Variants in SLC38A1 observed in about 807,000 individuals in gnomAD.
SLC38A1 encodes the protein solute carrier family 38 member 1.
A neutral mutation model predicts 60.3 loss-of-function variants in SLC38A1; 18 were observed. That is an observed-to-expected ratio of 0.30 (90% confidence interval 0.21 to 0.44). The LOEUF is 0.44. SLC38A1 is among the 20% of genes least tolerant of loss of function. The probability of loss-of-function intolerance (pLI) is 1.00; values close to 1 mark genes in which losing one functional copy is unlikely to be tolerated. For missense variants in SLC38A1, 448 were observed against 587.2 expected, an observed-to-expected ratio of 0.76 and a Z score of 2.45; for synonymous variants, 196 against 212.1, an observed-to-expected ratio of 0.92 and a Z score of 0.66.
intron 15 of SLC38A1, 28 bp downstream of exon 15, chr12:46,197,891 T>A: frequency 6.2e-7 from 1 of 1,610,510 alleles, no homozygotes; most frequent in Non-Finnish European, 8.5e-7. Flanking sequence ...TACTGTAGAA[T>A]GACAAGCACA....
chr12:46,236,317 A>G (rs1040204777), intron 3 of SLC38A1, among the ~76,000 whole-genome samples: 7 of 152,202 alleles, frequency 4.6e-5, no homozygotes, highest in African/African-American at 1.7e-4. Flanking sequence ...TAGCGTTCCA[A>G]TAATGGAACA....
intron 9 of SLC38A1, among the ~76,000 whole-genome samples, chr12:46,205,056 G>C (rs1354543161): frequency 6.6e-6 from 1 of 152,194 alleles, no homozygotes; most frequent in Admixed American, 6.5e-5. Flanking sequence ...CCAGATGACA[G>C]AGAGTAGATG....
intron 3 of SLC38A1, among the ~76,000 whole-genome samples, chr12:46,235,084 T>C (rs1189067867): frequency 2.6e-5 from 4 of 152,190 alleles, no homozygotes; most frequent in Non-Finnish European, 4.4e-5. Flanking sequence ...CAATGGGTGA[T>C]TGGGTGACCC....
chr12:46,210,454 A>T (rs1313895093), intron 5 of SLC38A1, among the ~76,000 whole-genome samples: 1 of 152,182 alleles, frequency 6.6e-6, no homozygotes, highest in Non-Finnish European at 1.5e-5. Context: ...AATAAACAGG[A>T]ATTTAGGTTA....
Position 46,206,091 on chromosome 12 carries a change from A to C in SLC38A1, c.635T>G (p.Leu212Trp). 1 of 1,609,098 alleles carries C rather than the reference A, an allele frequency of 6.2e-7. No individual in the cohort carries two copies. Among genetic ancestry groups the C allele is most frequent in the Non-Finnish European group, 8.5e-7 (1 of 1,176,440 alleles). Residue 212 changes from leucine (L) to tryptophan (W), a missense_variant, in exon 9 of 17, where the codon TTG (leucine) becomes TGG (tryptophan). Physicochemically the swap from Leu to Trp is moderately conservative, Grantham distance 61. Transcript: ENST00000398637. ...AAATCTGTCCTTACCTAAGTTCTTC[A>C]AGAGACACAGAGGGAGAATTATGCC... The part of the protein sequence containing the change: ...TFGIILPLCL[L>W]KNLGYLGYTS...
chr12:46,261,376 A>G (rs1942191898), intron 1 of SLC38A1, among the ~76,000 whole-genome samples: 1 of 152,194 alleles, frequency 6.6e-6, no homozygotes, highest in Non-Finnish European at 1.5e-5. Context: ...GGGGGCTCAT[A>G]TTTCAGTAAT....
At position 46,183,220 on chromosome 12, in the gene SLC38A1, C is replaced by T. The variant is rs1036670856; in HGVS notation, c.*5750G>A. Reference sequence around the variant, plus strand: ...TAGCAAAGTTTTGTGACTTGTGACTCACTTAAATCACCCATCTGAAATTCA... The same window carrying T: ...TAGCAAAGTTTTGTGACTTGTGACTTACTTAAATCACCCATCTGAAATTCA... On this transcript the variant is annotated 3_prime_UTR_variant, in exon 17 of 17. Coordinates refer to ENST00000398637, the MANE Select transcript of SLC38A1 (RefSeq NM_030674.4). 6 of 151,798 alleles carry T rather than the reference C, an allele frequency of 4.0e-5. No individual in the cohort carries two copies. The highest frequency in any genetic ancestry group is 8.8e-5 in the Non-Finnish European group (6 of 67,946). The allele number at this position is 151,798 out of a possible 1,614,324, so 9.4% of individuals were successfully genotyped here.
chr12:46,233,159 C>T (rs980341138), intron 3 of SLC38A1, among the ~76,000 whole-genome samples: 3 of 152,068 alleles, frequency 2.0e-5, no homozygotes, highest in African/African-American at 4.8e-5. Context: ...GCTGGGACTA[C>T]GGGCACACAC....
chr12:46,220,095 C>T (rs78872370), intron 5 of SLC38A1, among the ~76,000 whole-genome samples: 6,507 of 152,318 alleles, frequency 0.043, 373 homozygotes, highest in East Asian at 0.31. Context: ...GACTCATCTC[C>T]TACACATGCC....
intron 3 of SLC38A1, among the ~76,000 whole-genome samples, chr12:46,232,499 T>A (rs900545177): frequency 6.6e-6 from 1 of 152,272 alleles, no homozygotes; most frequent in East Asian, 1.9e-4. Context: ...TTTTCTTTTG[T>A]CTTTAATGTT....
chr12:46,266,130 C>T (rs1469142653), intron 1 of SLC38A1, among the ~76,000 whole-genome samples: 2 of 152,212 alleles, frequency 1.3e-5, no homozygotes, highest in Non-Finnish European at 2.9e-5. Flanking sequence ...AAGAGATGAA[C>T]AAGATGGCCT....
Position 46,188,919 on chromosome 12 carries a change from TG to T in SLC38A1, c.*50del. 6.9e-7 allele frequency: 1 copy of T among 1,442,304 alleles called. No individual in the cohort carries two copies. Among genetic ancestry groups the T allele is most frequent in the Non-Finnish European group, 9.7e-7 (1 of 1,028,666 alleles). The allele number at this position is 1,442,304 out of a possible 1,614,324, so 89.3% of individuals were successfully genotyped here. On this transcript the variant is annotated 3_prime_UTR_variant, in exon 17 of 17. Transcript: ENST00000398637. Reference sequence around the variant, plus strand: ...GAAGTGGTGAGAGATTGCTGATGTGTGGGGACTTGACTGAGCAGACAACAGG... The same window carrying T: ...GAAGTGGTGAGAGATTGCTGATGTGTGGGACTTGACTGAGCAGACAACAGG...
intron 1 of SLC38A1, among the ~76,000 whole-genome samples, chr12:46,245,854 C>T (rs1941596701): frequency 6.6e-6 from 1 of 152,152 alleles, no homozygotes; most frequent in South Asian, 2.1e-4. Flanking sequence ...ATTTTTCTTC[C>T]TTTTTTATTT....
chr12:46,255,703 G>C (rs1941995908), intron 1 of SLC38A1, among the ~76,000 whole-genome samples: 1 of 152,164 alleles, frequency 6.6e-6, no homozygotes, highest in Non-Finnish European at 1.5e-5. Context: ...GTAAGTTTGG[G>C]ATTTTAATTA....
intron 1 of SLC38A1, among the ~76,000 whole-genome samples, chr12:46,255,842 A>T (rs935942435): frequency 1.3e-5 from 2 of 152,184 alleles, no homozygotes; most frequent in African/African-American, 4.8e-5. Flanking sequence ...GCTCCAAAGT[A>T]GCCAAAGTAG....
rs1271728281 is a variant in SLC38A1, at chr12:46,237,644, G to A, written c.122+2035C>T. Among the ~76,000 whole-genome samples, 6 of 151,818 alleles carry A rather than the reference G, an allele frequency of 4.0e-5. 1 individual carries two copies. The highest frequency in any genetic ancestry group is 1.5e-4 in the African/African-American group (6 of 41,076). On this transcript the variant is annotated intron_variant, in intron 3 of 16. Transcript: ENST00000398637. ...GCCTAAGTTGCGGGTGAGAATAGATGTTTCTCCCATCTACTGCAAGTGGTA... is the reference window on the plus strand; with the variant it reads ...GCCTAAGTTGCGGGTGAGAATAGATATTTCTCCCATCTACTGCAAGTGGTA...
chr12:46,211,760 C>T (rs1940181971), intron 5 of SLC38A1, among the ~76,000 whole-genome samples: 2 of 152,320 alleles, frequency 1.3e-5, no homozygotes, highest in Middle Eastern at 3.4e-3. Flanking sequence ...AACCCCCTCC[C>T]ATGTTTAAGA....
At chr12:46,252,801 T>C (rs370940415) in intron 1 of SLC38A1, among the ~76,000 whole-genome samples, 1 of 151,958 alleles carries the variant, frequency 6.6e-6, no homozygotes, top group African/African-American at 2.4e-5. Flanking sequence ...GGAAACAATC[T>C]AAGTGCCCAT....
chr12:46,203,642 T>A (rs773667147), intron 11 of SLC38A1, among the ~76,000 whole-genome samples: 7 of 152,232 alleles, frequency 4.6e-5, no homozygotes, highest in Non-Finnish European at 8.8e-5. Flanking sequence ...CGCGATCTAT[T>A]TAGTTTTCTT....
Sources: allele counts gnomAD v4.1 joint callset (sites outside exome capture counted in the v4.1 genomes callset), GRCh38; gene constraint gnomAD v4.1.1; transcripts MANE v1.5; gene names NCBI Gene and HGNC (gene_info 2026-07-23, HGNC 2026-07-21).